The following SRP14 variants were observed in gnomAD, a reference collection of about 807,000 sequenced individuals.
The protein encoded by SRP14 is signal recognition particle 14 kDa protein.
In SRP14, 1 loss-of-function variant was observed where a neutral mutation model predicts 16.0. The observed-to-expected ratio is 0.06, with a 90% CI of 0.02 to 0.30. SRP14 has a LOEUF of 0.30. Among genes scored for constraint, SRP14 ranks in the 10% least tolerant of loss-of-function variants. SRP14 has a pLI of 1.00. For missense variants in SRP14, 120 were observed against 163.1 expected, an observed-to-expected ratio of 0.74 and a Z score of 1.44; for synonymous variants, 67 against 60.1, an observed-to-expected ratio of 1.12 and a Z score of -0.53.
chr15:40,037,716 T>G (rs574889914), intron 3 of SRP14, among the ~76,000 whole-genome samples: 2 of 152,202 alleles, frequency 1.3e-5, no homozygotes, highest in East Asian at 3.9e-4. Flanking sequence ...GACTTCCAAC[T>G]AAGTATAGTC....
chr15:40,038,898 G>C lies in SRP14; in HGVS notation c.75C>G (p.Ser25Arg). ...RLFQKCRTSG[S>R]VYITLKKYDG... ...TACACTTCTTCAAGGTGATATAGAC[G>C]CTGCCCGACGTCCGGCACTTCTGGA... is the stretch of plus-strand genomic sequence containing the variant. Residue 25 changes from serine (S) to arginine (R), a missense_variant, in exon 2 of 5, where the codon AGC becomes AGG. Physicochemically the swap from Ser to Arg is moderately radical, Grantham distance 110. This residue lies in a region of SRP14 where 33 missense variants were observed against 33.0 expected (regional missense o/e 1.00). Coordinates refer to ENST00000267884, the MANE Select transcript of SRP14 (RefSeq NM_003134.6). 6.2e-7 allele frequency: 1 copy of C among 1,613,830 alleles called. No individual in the cohort carries two copies. The highest frequency in any genetic ancestry group is 8.5e-7 in the Non-Finnish European group (1 of 1,179,930).
At chr15:40,037,279 G>GA (rs3215044) in intron 3 of SRP14, 77,467 of 712,674 alleles carry the variant, frequency 0.11, 241 homozygotes, top group Middle Eastern at 0.16. Context: ...TCCTTTTGGG[G>GA]AAAAAAAAAA....
intron 2 of SRP14, 26 bp downstream of exon 2, chr15:40,038,850 C>A (rs373846182): frequency 5.0e-6 from 8 of 1,611,612 alleles, no homozygotes; most frequent in South Asian, 1.1e-5. Context: ...CAGGGAGCAT[C>A]GCCCGGCTCC....
At chr15:40,037,113 T>C in intron 3 of SRP14, 95 bp from the exon 4 acceptor site, 2 of 1,400,258 alleles carry the variant, frequency 1.4e-6, no homozygotes, top group Admixed American at 2.3e-5. Flanking sequence ...CGGAAGACAA[T>C]ATCCTTATCT....
intron 3 of SRP14, chr15:40,037,350 T>C: frequency 7.7e-7 from 1 of 1,301,914 alleles, no homozygotes; most frequent in Non-Finnish European, 9.9e-7. Flanking sequence ...GTTTTCTCCC[T>C]GGGTTCTGAG....
intron 2 of SRP14, 68 bp from the exon 3 acceptor site, chr15:40,038,462 AAC>A: frequency 9.1e-7 from 1 of 1,102,648 alleles, no homozygotes; most frequent in Non-Finnish European, 1.4e-6. Flanking sequence ...AAACAGTTAA[AAC>A]AGAGGAGTGG....
Position 40,036,964 on chromosome 15 carries a change from A to G in SRP14, c.243+22T>C, listed in dbSNP as rs561163193. Reference sequence around the variant, plus strand: ...TGACTCTTGCCCTGAGAAGGGAAACATAAGGAACACCCAAAACTCACCATC... The same window carrying G: ...TGACTCTTGCCCTGAGAAGGGAAACGTAAGGAACACCCAAAACTCACCATC... On this transcript the variant is annotated intron_variant, in intron 4 of 4. Coordinates refer to ENST00000267884, the MANE Select transcript of SRP14 (RefSeq NM_003134.6). 7 of 1,613,946 alleles carry G rather than the reference A, an allele frequency of 4.3e-6. No individual in the cohort carries two copies. In the East Asian group the frequency reaches 8.9e-5, roughly 21 times the overall value.
chr15:40,037,040 G>A, intron 3 of SRP14, 22 bp from the exon 4 acceptor site: 1 of 1,612,728 alleles, frequency 6.2e-7, no homozygotes. Flanking sequence ...GGAAAAAAGA[G>A]GTCATACCTA....
At position 40,036,358 on chromosome 15, in the gene SRP14, G is replaced by C; in HGVS notation, c.386C>G (p.Thr129Arg). 1 of 1,612,254 alleles carries C rather than the reference G, an allele frequency of 6.2e-7. No individual in the cohort carries two copies. The highest frequency in any genetic ancestry group is 8.5e-7 in the Non-Finnish European group (1 of 1,179,802). ...TTACTGTGCTGCTGTTGCTGCTGTT[G>C]TTGCTGCTGTTGTTGGTGCTGTTGC... ...AAATAPTTAA[T>R]TAATAAQ The change falls in exon 5 of 5, where the codon ACA (threonine) becomes AGA (arginine). Residue 129 changes from threonine to arginine, a missense_variant. Physicochemically the swap from Thr to Arg is moderately conservative, Grantham distance 71. Coordinates refer to ENST00000267884, the MANE Select transcript of SRP14 (RefSeq NM_003134.6).
At position 40,037,617 on chromosome 15, in the gene SRP14, T is replaced by TTCCAACTAAGTA. The variant is rs1567014658; in HGVS notation, c.211-600_211-599insTACTTAGTTGGA. Among the ~76,000 whole-genome samples, 23 of 130,384 alleles carry TTCCAACTAAGTA rather than the reference T, an allele frequency of 1.8e-4. 4 individuals are homozygous for TTCCAACTAAGTA. The highest frequency in any genetic ancestry group is 4.5e-4 in the South Asian group (2 of 4,436). The allele number at this position is 130,384 out of a possible 152,430, so 85.5% of individuals were successfully genotyped here. ...GAAGTCCTCTCAAGATAACTTGTCC[T>TTCCAACTAAGTA]TAGGTTTTTGTTATTTCATGATATC... is the stretch of plus-strand genomic sequence containing the variant. On this transcript the variant is annotated intron_variant, in intron 3 of 4. Coordinates refer to ENST00000267884, the MANE Select transcript of SRP14 (RefSeq NM_003134.6).
At position 40,036,974 on chromosome 15, in the gene SRP14, C is replaced by T; in HGVS notation, c.243+12G>A. On this transcript the variant is annotated intron_variant, in intron 4 of 4. Transcript: ENST00000267884. ...CCTGAGAAGGGAAACATAAGGAACA[C>T]CCAAAACTCACCATCTGAAACTTAT... 1 of 1,613,958 alleles carries T rather than the reference C, an allele frequency of 6.2e-7. No homozygotes were observed. The highest frequency in any genetic ancestry group is 8.5e-7 in the Non-Finnish European group (1 of 1,179,972).
intron 3 of SRP14, chr15:40,037,415 TTAAAC>T: frequency 9.2e-7 from 1 of 1,082,382 alleles, no homozygotes; most frequent in South Asian, 1.6e-5. Flanking sequence ...GAAGATATAT[TTAAAC>T]TACTCCCTCC....
Position 40,036,013 on chromosome 15 carries a change from G to A in SRP14, c.*320C>T. ...AGTTATTGCCAGAACTATTAAAATG[G>A]GTTGGGAAAGGAATAAAGAGACAGT... On this transcript the variant is annotated 3_prime_UTR_variant, in exon 5 of 5. Transcript: ENST00000267884. 3.0e-6 allele frequency: 1 copy of A among 327,956 alleles called. No individual in the cohort carries two copies. Among genetic ancestry groups the A allele is most frequent in the Non-Finnish European group, 5.5e-6 (1 of 181,222 alleles). The allele number at this position is 327,956 out of a possible 1,614,324, so 20.3% of individuals were successfully genotyped here. A position where few individuals can be genotyped will look rare whatever the true frequency, so the allele number is the denominator to read the frequency against.
rs555167713 is a variant in SRP14 at position 40,036,704 on chromosome 15, A to G, written c.244-204T>C. The G allele has an allele frequency of 4.9e-4, 331 of 676,034 alleles. 1 individual carries two copies. Among genetic ancestry groups the G allele is most frequent in the East Asian group, 4.5e-3 (173 of 38,086 alleles). The allele number at this position is 676,034 out of a possible 1,614,324, so 41.9% of individuals were successfully genotyped here. On this transcript the variant is annotated intron_variant, in intron 4 of 4. Transcript: ENST00000267884. ...GCAACACCCACAGACAGTTGCACAC[A>G]TTTTTTACGTTTTTTTCCAAGGGAA...
Position 40,036,491 on chromosome 15 carries a change from T to G in SRP14, c.253A>C (p.Asn85His). The G allele has an allele frequency of 6.2e-7, 1 of 1,614,038 alleles. No homozygotes were observed. Among genetic ancestry groups the G allele is most frequent in the Non-Finnish European group, 8.5e-7 (1 of 1,179,966 alleles). The change falls in exon 5 of 5, where the codon AAC (asparagine) becomes CAC (histidine). Residue 85 changes from asparagine to histidine, a missense_variant. Asn to His is a moderately conservative substitution (Grantham distance 68). Transcript: ENST00000267884. ...EVNKFQMAYSNLLRANMDGLK... is the reference protein window; with the variant it reads ...EVNKFQMAYSHLLRANMDGLK... ...CCATCCATGTTAGCTCTAAGGAGGT[T>G]TGAATAAGCCTGAAAGATACAACAG... is the stretch of plus-strand genomic sequence containing the variant.
Position 40,036,299 on chromosome 15 carries a change from T to C in SRP14, c.*34A>G. On this transcript the variant is annotated 3_prime_UTR_variant, in exon 5 of 5. Coordinates refer to ENST00000267884, the MANE Select transcript of SRP14 (RefSeq NM_003134.6). ...CCAAAAGGAAAAAATAGCAATTCAG[T>C]GGTTAATTGGTGAAAGCAGGAAATG... 6.2e-7 allele frequency: 1 copy of C among 1,607,342 alleles called. No homozygotes were observed. Among genetic ancestry groups the C allele is most frequent in the Non-Finnish European group, 8.5e-7 (1 of 1,174,420 alleles).
chr15:40,038,073 G>A (rs2035657838), intron 3 of SRP14, among the ~76,000 whole-genome samples: 1 of 152,150 alleles, frequency 6.6e-6, no homozygotes, highest in Non-Finnish European at 1.5e-5. Context: ...TTCCACAAGA[G>A]CTTTAGCAGA....
Position 40,036,452 on chromosome 15 carries a change from C to G in SRP14, c.292G>C (p.Asp98His), listed in dbSNP as rs2035625148. 1 of 1,613,926 alleles carries G rather than the reference C, an allele frequency of 6.2e-7. No homozygotes were observed. Among genetic ancestry groups the G allele is most frequent in the Admixed American group, 1.7e-5 (1 of 59,988 alleles). The change falls in exon 5 of 5, where the codon GAC becomes CAC. Residue 98 changes from aspartate to histidine, a missense_variant. Around this residue, in one of 3 missense-constraint regions of SRP14, gnomAD observed 44 missense variants for 93.1 expected, o/e 0.47. Transcript: ENST00000267884. ...RANMDGLKKRDKKNKTKKTKA... is the reference protein window; with the variant it reads ...RANMDGLKKRHKKNKTKKTKA... ...GTCTTCTTAGTTTTGTTCTTTTTGT[C>G]TCTCTTCTTCAGCCCATCCATGTTA...
rs764900600 is a variant in SRP14, at chr15:40,036,944, C to G, written c.243+42G>C. On this transcript the variant is annotated intron_variant, in intron 4 of 4. Transcript: ENST00000267884. ...CCCAGTGTTCACTATCATACTGACTCTTGCCCTGAGAAGGGAAACATAAGG... is the reference window on the plus strand; with the variant it reads ...CCCAGTGTTCACTATCATACTGACTGTTGCCCTGAGAAGGGAAACATAAGG... The G allele has an allele frequency of 1.9e-6, 3 of 1,609,924 alleles. No homozygotes were observed. In the East Asian group the frequency reaches 6.7e-5, roughly 36 times the overall value.
Sources: allele counts gnomAD v4.1 joint callset (sites outside exome capture counted in the v4.1 genomes callset), GRCh38; gene constraint gnomAD v4.1.1; regional missense constraint gnomAD v4.1.1; transcripts MANE v1.5; gene names NCBI Gene and HGNC (gene_info 2026-07-23, HGNC 2026-07-21).